Variants in TMEM117 observed in about 807,000 individuals in gnomAD.
TMEM117 encodes transmembrane protein 117.
Under a neutral mutation model 52.4 loss-of-function variants are expected in TMEM117, and 27 were observed. The observed-to-expected ratio is 0.51, with a 90% CI of 0.38 to 0.71. The LOEUF (loss-of-function observed/expected upper bound fraction) is 0.71, where lower values mean the gene tolerates loss of function less well. Ranked by LOEUF, TMEM117 falls within the 30% of genes least tolerant of loss-of-function variation. TMEM117 has a pLI of 0.00. For missense variants in TMEM117, 556 were observed against 630.5 expected, an observed-to-expected ratio of 0.88 and a Z score of 1.26; for synonymous variants, 215 against 206.3, an observed-to-expected ratio of 1.04 and a Z score of -0.36.
intron 3 of TMEM117, among the ~76,000 whole-genome samples, chr12:44,121,725 T>A (rs1363718939): frequency 2.6e-5 from 4 of 152,180 alleles, no homozygotes; most frequent in African/African-American, 9.7e-5. Context: ...TATTTTAGGT[T>A]CAGGGGATAC....
At chr12:44,125,221 C>T (rs898339271) in intron 3 of TMEM117, among the ~76,000 whole-genome samples, 1 of 152,162 alleles carries the variant, frequency 6.6e-6, no homozygotes, top group African/African-American at 2.4e-5. Flanking sequence ...TCTCCTGCCT[C>T]AGCCTCCGGA....
chr12:43,967,847 T>C (rs1945511294), intron 3 of TMEM117, among the ~76,000 whole-genome samples: 1 of 152,222 alleles, frequency 6.6e-6, no homozygotes, highest in African/African-American at 2.4e-5. Flanking sequence ...TAAAATAAAA[T>C]AGTGTGTTCT....
At chr12:44,339,443 G>A (rs1442779557) in intron 6 of TMEM117, among the ~76,000 whole-genome samples, 3 of 151,976 alleles carry the variant, frequency 2.0e-5, no homozygotes, top group Non-Finnish European at 4.4e-5. Context: ...AATTAAATAA[G>A]AGATATAAAG....
chr12:44,013,394 C>G (rs1397245944), intron 3 of TMEM117, among the ~76,000 whole-genome samples: 1 of 152,170 alleles, frequency 6.6e-6, no homozygotes, highest in East Asian at 1.9e-4. Flanking sequence ...CACAGTTTTT[C>G]CCCAACTTAG....
At chr12:44,067,580 G>A (rs542105681) in intron 3 of TMEM117, among the ~76,000 whole-genome samples, 7 of 152,184 alleles carry the variant, frequency 4.6e-5, no homozygotes, top group Admixed American at 6.5e-5. Flanking sequence ...ATATTATGGC[G>A]GTAATATTTT....
intron 5 of TMEM117, among the ~76,000 whole-genome samples, chr12:44,216,498 T>C (rs558351980): frequency 5.9e-5 from 9 of 152,302 alleles, no homozygotes; most frequent in Admixed American, 5.2e-4. Flanking sequence ...CCCATTCTGA[T>C]GTTTACAAAA....
intron 5 of TMEM117, among the ~76,000 whole-genome samples, chr12:44,264,292 A>G (rs573045255): frequency 1.3e-5 from 2 of 152,276 alleles, no homozygotes; most frequent in Admixed American, 6.5e-5. Flanking sequence ...CCTTGATTTT[A>G]TAACTATTAC....
At chr12:44,064,609 T>A (rs1592486416) in intron 3 of TMEM117, among the ~76,000 whole-genome samples, 1 of 152,174 alleles carries the variant, frequency 6.6e-6, no homozygotes, top group Non-Finnish European at 1.5e-5. Context: ...ATTAATTTTT[T>A]AAAAATCTGT....
At chr12:44,159,002 G>T (rs901085017) in intron 4 of TMEM117, among the ~76,000 whole-genome samples, 10 of 152,150 alleles carry the variant, frequency 6.6e-5, no homozygotes, top group Admixed American at 1.3e-4. Context: ...CTCAGAGACT[G>T]GGGTGATGCA....
chr12:44,155,430 GGCAA>G (rs1251609680), intron 4 of TMEM117, among the ~76,000 whole-genome samples: 3 of 151,996 alleles, frequency 2.0e-5, no homozygotes, highest in Non-Finnish European at 4.4e-5. Flanking sequence ...TTGCTGGTTT[GGCAA>G]GTGGTCATGC....
At chr12:44,027,747 A>G (rs545634813) in intron 3 of TMEM117, among the ~76,000 whole-genome samples, 9 of 152,312 alleles carry the variant, frequency 5.9e-5, no homozygotes, top group African/African-American at 1.4e-4. Context: ...CTATCGTTTG[A>G]TTGTTAGGAT....
intron 3 of TMEM117, among the ~76,000 whole-genome samples, chr12:43,997,626 T>A (rs1946052761): frequency 6.6e-6 from 1 of 152,224 alleles, no homozygotes; most frequent in Non-Finnish European, 1.5e-5. Flanking sequence ...TGTAATTTCT[T>A]ATTTTCATTA....
chr12:44,362,329 A>G (rs1051782532), intron 6 of TMEM117, among the ~76,000 whole-genome samples: 1 of 152,010 alleles, frequency 6.6e-6, no homozygotes, highest in African/African-American at 2.4e-5. Context: ...TTCTTACCCT[A>G]TCTAACGTAG....
intron 3 of TMEM117, among the ~76,000 whole-genome samples, chr12:44,018,719 T>C (rs988407318): frequency 6.6e-6 from 1 of 151,050 alleles, no homozygotes; most frequent in Non-Finnish European, 1.5e-5. Flanking sequence ...TTTTTTCTTT[T>C]TCTTTCTTTT....
intron 4 of TMEM117, among the ~76,000 whole-genome samples, chr12:44,180,126 A>T (rs539982661): frequency 1.1e-4 from 16 of 152,082 alleles, no homozygotes; most frequent in Non-Finnish European, 1.9e-4. Context: ...GCACCAAAAA[A>T]TGTGGCCCCT....
intron 3 of TMEM117, among the ~76,000 whole-genome samples, chr12:44,059,779 A>C (rs73091736): frequency 0.096 from 14,606 of 152,256 alleles, 1,124 homozygotes; most frequent in African/African-American, 0.21. Context: ...CCAAGTATTT[A>C]ACTATGACAT....
chr12:44,322,377 A>G (rs958585897), intron 6 of TMEM117, among the ~76,000 whole-genome samples: 5 of 152,226 alleles, frequency 3.3e-5, no homozygotes, highest in Non-Finnish European at 5.9e-5. Flanking sequence ...CCAGAGATCT[A>G]GAGTGTTTAT....
intron 5 of TMEM117, among the ~76,000 whole-genome samples, chr12:44,213,863 T>G (rs562767937): frequency 6.6e-6 from 1 of 152,306 alleles, no homozygotes; most frequent in South Asian, 2.1e-4. Flanking sequence ...AATTACCCGT[T>G]CTTGGGTATT....
intron 5 of TMEM117, among the ~76,000 whole-genome samples, chr12:44,267,214 G>C (rs1950389013): frequency 6.6e-6 from 1 of 151,768 alleles, no homozygotes; most frequent in Admixed American, 6.6e-5. Flanking sequence ...AATTTTCCGT[G>C]TATGGGCCTT....
Sources: allele counts gnomAD v4.1 joint callset (sites outside exome capture counted in the v4.1 genomes callset), GRCh38; gene constraint gnomAD v4.1.1; transcripts MANE v1.5; gene names NCBI Gene and HGNC (gene_info 2026-07-23, HGNC 2026-07-21).